The following ZNF141 variants were observed in gnomAD, a reference collection of about 807,000 sequenced individuals.
The protein encoded by ZNF141 is zinc finger protein 141.
ZNF141 carries 7 observed loss-of-function variants against 11.3 expected under a neutral mutation model. That is an observed-to-expected ratio of 0.62 (90% CI 0.35 to 1.16). ZNF141 has a LOEUF of 1.16. Ranked by LOEUF, ZNF141 falls within the 50% of genes most tolerant of loss-of-function variation. The pLI, the probability that ZNF141 is intolerant of heterozygous loss-of-function variation, is 0.02. For missense variants in ZNF141, 535 were observed against 554.0 expected, an observed-to-expected ratio of 0.97 and a Z score of 0.34; for synonymous variants, 183 against 190.7, an observed-to-expected ratio of 0.96 and a Z score of 0.33.
chr4:338,572 A>G (rs2108678115), intron 1 of ZNF141: 1 of 155,740 alleles, frequency 6.4e-6, no homozygotes, highest in African/African-American at 2.4e-5. Context: ...GGCATCTTTT[A>G]GAATACGCTA....
In ZNF141 at chr4:379,786, A is replaced by G. The variant is rs371506173; in HGVS notation, c.*5924A>G. ...AACATTATTCTGTAATTTTTAAAAT[A>G]TATTTGTTAATTGACAGATAAAATA... On this transcript the variant is annotated 3_prime_UTR_variant, in exon 4 of 4. Transcript: ENST00000240499. 3.3e-5 allele frequency among the ~76,000 whole-genome samples: 5 copies of G among 152,250 alleles called. No homozygotes were observed. The highest frequency in any genetic ancestry group is 4.1e-4 in the South Asian group (2 of 4,834).
chr4:355,183 TTTTATTTA>T (rs1254809496), intron 3 of ZNF141, among the ~76,000 whole-genome samples: 1 of 151,732 alleles, frequency 6.6e-6, no homozygotes, highest in Non-Finnish European at 1.5e-5. Context: ...CTTTATTTTA[TTTTATTTA>T]TTTATTTATT....
At chr4:357,106 C>T (rs1443487976) in intron 3 of ZNF141, among the ~76,000 whole-genome samples, 1 of 152,074 alleles carries the variant, frequency 6.6e-6, no homozygotes, top group African/African-American at 2.4e-5. Flanking sequence ...CAAGCACATG[C>T]CACCATATTC....
Position 373,497 on chromosome 4 carries a change from C to T in ZNF141, c.1060C>T (p.Leu354=), listed in dbSNP as rs782278403. The T allele has an allele frequency of 6.2e-7, 1 of 1,613,844 alleles. No homozygotes were observed. Among genetic ancestry groups the T allele is most frequent in the East Asian group, 2.2e-5 (1 of 44,844 alleles). Reference sequence around the variant, plus strand: ...CAAAGCTTTTAGACAGTCCTCAAAACTGAATGAACATAAGAAAGTTCATAC... The same window carrying T: ...CAAAGCTTTTAGACAGTCCTCAAAATTGAATGAACATAAGAAAGTTCATAC... ...CGKAFRQSSK[L]NEHKKVHTGE... The change falls in exon 4 of 4, where the codon CTG becomes TTG. Residue 354 remains leucine (L), a synonymous_variant. Transcript: ENST00000240499.
Position 376,678 on chromosome 4 carries a change from A to G in ZNF141, c.*2816A>G, listed in dbSNP as rs1347102491. On this transcript the variant is annotated 3_prime_UTR_variant, in exon 4 of 4. Transcript: ENST00000240499. ...ATGTGTTGCTGTAAAGATAAACCTT[A>G]GGTGTAAGAAAATTATAGAGCAAGC... Among the ~76,000 whole-genome samples, 6 of 152,140 alleles carry G rather than the reference A, an allele frequency of 3.9e-5. No homozygotes were observed. Among genetic ancestry groups the G allele is most frequent in the African/African-American group, 1.4e-4 (6 of 41,446 alleles).
Position 380,483 on chromosome 4 carries a change from C to T in ZNF141, c.*6621C>T, listed in dbSNP as rs922810353. On this transcript the variant is annotated 3_prime_UTR_variant, in exon 4 of 4. Coordinates refer to ENST00000240499, the MANE Select transcript of ZNF141 (RefSeq NM_003441.4). ...TCTGGCCAACATGGTGAAACCCCGTCTCTACTACAAATATAAAAATTAGCT... is the reference window on the plus strand; with the variant it reads ...TCTGGCCAACATGGTGAAACCCCGTTTCTACTACAAATATAAAAATTAGCT... 6.6e-6 allele frequency among the ~76,000 whole-genome samples: 1 copy of T among 152,018 alleles called. No homozygotes were observed. The highest frequency in any genetic ancestry group is 1.5e-5 in the Non-Finnish European group (1 of 68,022).
chr4:346,898 C>A (rs1436403991), intron 3 of ZNF141, among the ~76,000 whole-genome samples: 5 of 146,518 alleles, frequency 3.4e-5, no homozygotes, highest in African/African-American at 1.3e-4. Context: ...CACACACCGC[C>A]CCCCCCATAT....
chr4:370,964 C>G (rs1179544506), intron 3 of ZNF141, among the ~76,000 whole-genome samples: 3 of 151,972 alleles, frequency 2.0e-5, no homozygotes, highest in African/African-American at 7.2e-5. Context: ...ACTCTCCTGA[C>G]CTCCTGATCC....
chr4:347,980 G>A lies in ZNF141; in HGVS notation c.226+3550G>A, dbSNP rs543735566. On this transcript the variant is annotated intron_variant, in intron 3 of 3. Coordinates refer to ENST00000240499, the MANE Select transcript of ZNF141 (RefSeq NM_003441.4). ...CTGCCTCAGCCTCCCGAGTAGCTGG[G>A]ATTACAGGCACGTGCCACCATGCCC... Among the ~76,000 whole-genome samples the A allele has an allele frequency of 5.2e-3, 784 of 151,914 alleles. 5 individuals carry two copies. Among genetic ancestry groups the A allele is most frequent in the African/African-American group, 0.018 (741 of 41,422 alleles).
intron 3 of ZNF141, among the ~76,000 whole-genome samples, chr4:355,477 A>G (rs914003397): frequency 1.3e-5 from 2 of 152,178 alleles, no homozygotes; most frequent in South Asian, 2.1e-4. Flanking sequence ...AAGTGTTGGG[A>G]TTACAGGTAT....
chr4:352,582 A>G (rs1243371577), intron 3 of ZNF141, among the ~76,000 whole-genome samples: 1 of 152,182 alleles, frequency 6.6e-6, no homozygotes. Flanking sequence ...AATTTGTGAT[A>G]TCTAAGAGGG....
chr4:350,656 G>A (rs1038910513), intron 3 of ZNF141, among the ~76,000 whole-genome samples: 1 of 152,120 alleles, frequency 6.6e-6, no homozygotes, highest in Non-Finnish European at 1.5e-5. Flanking sequence ...TGGATCGTAG[G>A]GTTGGCTTTT....
At chr4:361,053 T>A (rs1047832893) in intron 3 of ZNF141, among the ~76,000 whole-genome samples, 15 of 152,304 alleles carry the variant, frequency 9.8e-5, no homozygotes, top group African/African-American at 2.9e-4. Context: ...TGTAACCGTT[T>A]TAGGTAGATG....
chr4:361,791 C>T (rs146419382), intron 3 of ZNF141, among the ~76,000 whole-genome samples: 8,738 of 152,158 alleles, frequency 0.057, 382 homozygotes, highest in African/African-American at 0.12. Context: ...TGGACATTTG[C>T]GTTGGTTCCA....
At chr4:351,746 G>C (rs1291920647) in intron 3 of ZNF141, among the ~76,000 whole-genome samples, 1 of 152,098 alleles carries the variant, frequency 6.6e-6, no homozygotes, top group Non-Finnish European at 1.5e-5. Flanking sequence ...TGCCAAAGCA[G>C]GTCATCAATA....
intron 1 of ZNF141, among the ~76,000 whole-genome samples, chr4:341,030 G>A (rs1721021328): frequency 6.6e-6 from 1 of 151,186 alleles, no homozygotes; most frequent in South Asian, 2.1e-4. Context: ...CTTATATTAT[G>A]TTTACCCCAC....
At position 367,775 on chromosome 4, in the gene ZNF141, A is replaced by G. The variant is rs1227280213; in HGVS notation, c.227-4889A>G. Among the ~76,000 whole-genome samples the G allele has an allele frequency of 2.0e-5, 3 of 152,122 alleles. No homozygotes were observed. In the East Asian group the frequency reaches 5.8e-4, roughly 29 times the overall value. ...CATGATCTGTCCGCCACGGCCTCCC[A>G]ACATGCTGAGATTACACCGCGCCCA... On this transcript the variant is annotated intron_variant, in intron 3 of 3. Transcript: ENST00000240499.
intron 3 of ZNF141, among the ~76,000 whole-genome samples, chr4:353,471 T>TC (rs1300077726): frequency 6.9e-4 from 104 of 150,276 alleles, no homozygotes; most frequent in African/African-American, 2.5e-3. Context: ...TTATTATTTT[T>TC]TTTTTTTTGG....
At chr4:340,706 C>T (rs1269981113) in intron 1 of ZNF141, among the ~76,000 whole-genome samples, 3 of 152,248 alleles carry the variant, frequency 2.0e-5, no homozygotes, top group African/African-American at 7.2e-5. Flanking sequence ...CACAGTCCTA[C>T]CGTTCCCCTC....
Sources: gnomAD v4.1 joint callset for allele counts (sites outside exome capture counted in the v4.1 genomes callset) on GRCh38, gnomAD v4.1.1 for gene constraint, MANE v1.5 for transcripts, NCBI Gene and HGNC (gene_info 2026-07-23, HGNC 2026-07-21) for gene names.